Variants in ACP3 observed in about 807,000 individuals in gnomAD.
ACP3 encodes the protein prostatic acid phosphatase.
In ACP3, 38 loss-of-function variants were observed where a neutral mutation model predicts 45.6. The ratio of observed to expected loss-of-function variants is 0.83; its 90% confidence interval spans 0.64 to 1.09. The LOEUF (loss-of-function observed/expected upper bound fraction) is 1.09, where lower values mean the gene tolerates loss of function less well. Among genes scored for constraint, ACP3 ranks in the 50% least tolerant of loss-of-function variants. The pLI, the probability that ACP3 is intolerant of heterozygous loss-of-function variation, is 0.00. For synonymous variants in ACP3, 162 were observed against 164.7 expected (o/e 0.98, Z 0.13); for missense variants, 466 against 463.2 (o/e 1.01, Z -0.05).
rs1937960633 is a variant in ACP3 at position 132,358,217 on chromosome 3, C to G, written c.*1339C>G. On this transcript the variant is annotated 3_prime_UTR_variant, in exon 10 of 10. Coordinates refer to ENST00000336375, the MANE Select transcript of ACP3 (RefSeq NM_001099.5). ...GACCAGCCTGGTCAACATAGTGAGA[C>G]ACTGTCTCTACCAAAAAAAGGAAGG... is the stretch of plus-strand genomic sequence containing the variant. 2 of 1,105,074 alleles carry G rather than the reference C, an allele frequency of 1.8e-6. No individual in the cohort carries two copies. Among genetic ancestry groups the G allele is most frequent in the African/African-American group, 1.6e-5 (1 of 60,958 alleles). The allele number at this position is 1,105,074 out of a possible 1,614,324, so 68.5% of individuals were successfully genotyped here.
chr3:132,328,416 C>T (rs893325856), intron 2 of ACP3, 54 bp downstream of exon 2: 9 of 1,474,006 alleles, frequency 6.1e-6, no homozygotes, highest in Middle Eastern at 1.7e-4. Context: ...TGGTGGCTCA[C>T]GCCTGTAATC....
chr3:132,328,308 C>T lies in ACP3; in HGVS notation c.162C>T (p.Pro54=). The T allele has an allele frequency of 6.2e-7, 1 of 1,613,972 alleles. No individual in the cohort carries two copies. Among genetic ancestry groups the T allele is most frequent in the Non-Finnish European group, 8.5e-7 (1 of 1,179,908 alleles). Residue 54 remains proline (P), a synonymous_variant, in exon 2 of 10, where the codon CCC becomes CCT. Transcript: ENST00000336375. The stretch of plus-strand genomic sequence containing the variant: ...ACCGAAGTCCCATTGACACCTTTCC[C>T]ACTGACCCCATAAAGGAATCCTCAT... ...HGDRSPIDTF[P]TDPIKESSWP...
intron 4 of ACP3, among the ~76,000 whole-genome samples, chr3:132,337,063 GGT>G (rs113543420): frequency 0.13 from 19,214 of 144,396 alleles, 1,326 homozygotes; most frequent in Non-Finnish European, 0.17. Flanking sequence ...CATGCGTTGG[GGT>G]GTGTGTGTGT....
intron 1 of ACP3, among the ~76,000 whole-genome samples, chr3:132,320,728 G>T (rs1937192599): frequency 6.7e-6 from 1 of 149,960 alleles, no homozygotes; most frequent in Non-Finnish European, 1.5e-5. Context: ...TTGGCTCACT[G>T]CAACCTCCGT....
At chr3:132,361,425 C>T (rs905892720), downstream of ACP3, among the ~76,000 whole-genome samples, 1 of 152,184 alleles carries the variant, frequency 6.6e-6, no homozygotes, top group African/African-American at 2.4e-5. Flanking sequence ...ATTCTGACAG[C>T]TATAACGCTG....
Position 132,335,513 on chromosome 3 carries a change from T to C in ACP3, c.457-1943T>C, listed in dbSNP as rs141979010. ...GTGCTGGGCATTGACATTGCAGCAG[T>C]GAACAAAACAGACACGATCCTGGCT... On this transcript the variant is annotated intron_variant, in intron 4 of 9. Transcript: ENST00000336375. Among the ~76,000 whole-genome samples the C allele has an allele frequency of 3.2e-4, 48 of 152,306 alleles. No homozygotes were observed. The East Asian group carries it at 9.1e-3, about 29-fold the overall frequency.
At chr3:132,343,999 G>A (rs1368976196) in intron 6 of ACP3, among the ~76,000 whole-genome samples, 1 of 152,140 alleles carries the variant, frequency 6.6e-6, no homozygotes, top group Non-Finnish European at 1.5e-5. Context: ...AGCCACGTGT[G>A]GCCAGGTGTA....
At chr3:132,339,358 T>C (rs926320532) in intron 5 of ACP3, among the ~76,000 whole-genome samples, 7 of 152,350 alleles carry the variant, frequency 4.6e-5, no homozygotes, top group African/African-American at 1.7e-4. Flanking sequence ...GGCAGCCCGT[T>C]CTGCAGTAGA....
intron 6 of ACP3, among the ~76,000 whole-genome samples, chr3:132,343,940 C>T (rs553519568): frequency 1.3e-5 from 2 of 152,056 alleles, no homozygotes; most frequent in East Asian, 3.9e-4. Flanking sequence ...TCAGGATGAG[C>T]CTGGGCAGCA....
At chr3:132,343,330 C>A (rs1937572786) in intron 6 of ACP3, among the ~76,000 whole-genome samples, 2 of 152,158 alleles carry the variant, frequency 1.3e-5, no homozygotes, top group Admixed American at 6.5e-5. Context: ...GTCTGGGGGG[C>A]AGCAATTACT....
At position 132,331,695 on chromosome 3, in the gene ACP3, T is replaced by C; in HGVS notation, c.265T>C (p.Tyr89His). The change falls in exon 3 of 10, where the codon TAT (tyrosine) becomes CAT (histidine). Residue 89 changes from tyrosine (Y) to histidine (H), a missense_variant. Tyr to His is a moderately conservative substitution (Grantham distance 83, BLOSUM62 2). Transcript: ENST00000336375. ...ACTTGGAGAGTATATAAGAAAGAGA[T>C]ATAGAAAATTCTTGAATGAGTCCTA... is the stretch of plus-strand genomic sequence containing the variant. ...YELGEYIRKR[Y>H]RKFLNESYKH... 1.9e-6 allele frequency: 3 copies of C among 1,608,702 alleles called. No homozygotes were observed. The South Asian group carries it at 3.4e-5, about 18-fold the overall frequency.
chr3:132,325,256 A>T (rs1576408420), intron 1 of ACP3, among the ~76,000 whole-genome samples: 1 of 152,288 alleles, frequency 6.6e-6, no homozygotes, highest in East Asian at 1.9e-4. Context: ...GGAAGTGGAG[A>T]ATGGTTTATT....
intron 4 of ACP3, among the ~76,000 whole-genome samples, chr3:132,335,181 A>G (rs1937469061): frequency 6.6e-6 from 1 of 152,220 alleles, no homozygotes; most frequent in Non-Finnish European, 1.5e-5. Context: ...CATGCATGCA[A>G]ATTTAGACTA....
chr3:132,355,209 G>A (rs931522996), intron 9 of ACP3, among the ~76,000 whole-genome samples: 4 of 152,204 alleles, frequency 2.6e-5, no homozygotes, highest in African/African-American at 4.8e-5. Context: ...TTTTAAAGGG[G>A]ACACATATCA....
chr3:132,357,523 G>C lies in ACP3; in HGVS notation c.*645G>C, dbSNP rs1424688046. 2.0e-6 allele frequency: 2 copies of C among 984,466 alleles called. No individual in the cohort carries two copies. Among genetic ancestry groups the C allele is most frequent in the African/African-American group, 3.5e-5 (2 of 57,162 alleles). 61.0% of individuals were successfully genotyped at this position (984,466 alleles called of 1,614,324 possible). On this transcript the variant is annotated 3_prime_UTR_variant, in exon 10 of 10. Transcript: ENST00000336375. ...AAATTAAAACCTCTTTGTGTCCCTTGGTCCTGGAACATTTATGTTCCTTTT... is the reference window on the plus strand; with the variant it reads ...AAATTAAAACCTCTTTGTGTCCCTTCGTCCTGGAACATTTATGTTCCTTTT...
intron 10 of ACP3, among the ~76,000 whole-genome samples, chr3:132,366,814 A>G (rs1030771860): frequency 6.6e-6 from 1 of 152,206 alleles, no homozygotes; most frequent in Non-Finnish European, 1.5e-5. Context: ...CCCCAATACA[A>G]TTATCTGCTT....
At chr3:132,343,753 C>T (rs1310460551) in intron 6 of ACP3, among the ~76,000 whole-genome samples, 4 of 152,198 alleles carry the variant, frequency 2.6e-5, no homozygotes, top group Admixed American at 2.0e-4. Context: ...CACAAGGTCT[C>T]ACCTGCCCTG....
intron 1 of ACP3, among the ~76,000 whole-genome samples, chr3:132,318,225 T>C (rs761854987): frequency 6.6e-6 from 1 of 151,952 alleles, no homozygotes; most frequent in Non-Finnish European, 1.5e-5. Context: ...GGAAAGAGGG[T>C]TTGCAAAGTG....
At chr3:132,365,817 T>A (rs1329689480) in intron 10 of ACP3, among the ~76,000 whole-genome samples, 2 of 151,944 alleles carry the variant, frequency 1.3e-5, no homozygotes, top group Non-Finnish European at 2.9e-5. Context: ...TGAAACCCTG[T>A]CTCTACTAAA....
Sources: gnomAD v4.1 joint callset for allele counts (sites outside exome capture counted in the v4.1 genomes callset) on GRCh38, gnomAD v4.1.1 for gene constraint, MANE v1.5 for transcripts, NCBI Gene and HGNC (gene_info 2026-07-23, HGNC 2026-07-21) for gene names.